Variants in CPED1 observed in about 807,000 individuals in gnomAD.
CPED1 encodes cadherin like and PC-esterase domain containing 1.
CPED1 carries 114 observed loss-of-function variants against 128.2 expected under a neutral mutation model. That is an observed-to-expected ratio of 0.89 (90% CI 0.76 to 1.04). CPED1 has a LOEUF of 1.04. CPED1 is among the 50% of genes least tolerant of loss of function. CPED1 has a pLI of 0.00. For missense variants in CPED1, 1,211 were observed against 1,207.1 expected, an observed-to-expected ratio of 1.00 and a Z score of -0.05; for synonymous variants, 462 against 426.7, an observed-to-expected ratio of 1.08 and a Z score of -1.02.
At chr7:121,148,942 A>C (rs1244777127) in intron 16 of CPED1, among the ~76,000 whole-genome samples, 1 of 152,190 alleles carries the variant, frequency 6.6e-6, no homozygotes. Flanking sequence ...TGCTGTATGC[A>C]CTGTGGCTGC....
Position 120,995,390 on chromosome 7 carries a change from T to C in CPED1, c.249+5520T>C, listed in dbSNP as rs993463789. 5.3e-5 allele frequency among the ~76,000 whole-genome samples: 8 copies of C among 152,218 alleles called. No homozygotes were observed. The East Asian group carries it at 5.8e-4, about 11-fold the overall frequency. ...CAACAAGGTTATTCTGAAAAACTTG[T>C]GGTCTCTTTTCGAGTTCATTTCCTC... On this transcript the variant is annotated intron_variant, in intron 2 of 22. Coordinates refer to ENST00000310396, the MANE Select transcript of CPED1 (RefSeq NM_024913.5).
intron 2 of CPED1, among the ~76,000 whole-genome samples, chr7:121,001,132 A>G (rs911873394): frequency 3.3e-5 from 5 of 152,088 alleles, no homozygotes; most frequent in Non-Finnish European, 7.4e-5. Flanking sequence ...CATTTTGCTC[A>G]GGTAAATGTT....
At chr7:121,224,787 C>CTTTTTTTTTTT (rs143087799) in intron 16 of CPED1, among the ~76,000 whole-genome samples, 54 of 56,250 alleles carry the variant, frequency 9.6e-4, no homozygotes, top group Middle Eastern at 0.019. Flanking sequence ...GCAACCCCTG[C>CTTTTTTTTTTT]TTTTTTTTTT....
chr7:121,262,231 C>T (rs1430006420), intron 18 of CPED1, among the ~76,000 whole-genome samples: 1 of 152,060 alleles, frequency 6.6e-6, no homozygotes, highest in Non-Finnish European at 1.5e-5. Flanking sequence ...CGAGCAGATG[C>T]TGGTGCCATG....
chr7:121,194,034 ATATATATATATATATTTTT>A (rs1258983640), intron 16 of CPED1, among the ~76,000 whole-genome samples: 10 of 102,914 alleles, frequency 9.7e-5, no homozygotes, highest in Non-Finnish European at 1.4e-4. Flanking sequence ...ATATATATAT[ATATATATATATATATTTTT>A]TTTTTTTTTT....
chr7:121,006,108 C>T (rs1353824109), intron 2 of CPED1, among the ~76,000 whole-genome samples: 1 of 152,050 alleles, frequency 6.6e-6, no homozygotes, highest in East Asian at 1.9e-4. Flanking sequence ...TGTAATTGCC[C>T]CAATGCTCTT....
intron 16 of CPED1, among the ~76,000 whole-genome samples, chr7:121,158,937 C>A (rs1035906306): frequency 2.6e-5 from 4 of 152,090 alleles, no homozygotes; most frequent in African/African-American, 9.7e-5. Flanking sequence ...ATGTTATATT[C>A]TTTTTAATGC....
chr7:121,024,686 T>C (rs1792526617), intron 3 of CPED1, among the ~76,000 whole-genome samples: 1 of 152,204 alleles, frequency 6.6e-6, no homozygotes, highest in Admixed American at 6.6e-5. Context: ...TCTTTTTGTA[T>C]GTCTTTAAAA....
chr7:121,122,715 G>A (rs1394896117), intron 7 of CPED1, among the ~76,000 whole-genome samples: 3 of 152,158 alleles, frequency 2.0e-5, no homozygotes, highest in Admixed American at 2.0e-4. Flanking sequence ...AAAGGCTACA[G>A]TTCTCTAAAA....
chr7:121,279,908 A>G (rs1033867979), intron 22 of CPED1, among the ~76,000 whole-genome samples: 5 of 152,184 alleles, frequency 3.3e-5, no homozygotes, highest in Non-Finnish European at 1.5e-5. Flanking sequence ...TTCCACAGTC[A>G]GGCAGAGGGT....
At chr7:121,180,774 A>G (rs954284217) in intron 16 of CPED1, among the ~76,000 whole-genome samples, 4 of 152,070 alleles carry the variant, frequency 2.6e-5, no homozygotes, top group African/African-American at 9.7e-5. Context: ...TAAAATTAAT[A>G]CCTCACCTCC....
At chr7:121,206,529 A>G (rs191552172) in intron 16 of CPED1, among the ~76,000 whole-genome samples, 326 of 152,152 alleles carry the variant, frequency 2.1e-3, no homozygotes, top group Middle Eastern at 0.014. Flanking sequence ...TACAAAATGT[A>G]TGTAATAAAT....
At chr7:121,269,823 A>G (rs149620376) in intron 21 of CPED1, among the ~76,000 whole-genome samples, 3 of 152,128 alleles carry the variant, frequency 2.0e-5, no homozygotes, top group Admixed American at 6.6e-5. Context: ...ATAAAGAAAT[A>G]CCAGAGACTA....
chr7:121,102,070 C>T (rs778520798), intron 7 of CPED1, among the ~76,000 whole-genome samples: 2 of 152,080 alleles, frequency 1.3e-5, no homozygotes, highest in Non-Finnish European at 2.9e-5. Flanking sequence ...GCTCATGCCC[C>T]TTCACTTAAA....
Position 121,257,073 on chromosome 7 carries a change from C to T in CPED1, c.2311-9154C>T, listed in dbSNP as rs148086664. 3.2e-4 allele frequency among the ~76,000 whole-genome samples: 48 copies of T among 151,982 alleles called. 1 individual carries two copies. Among genetic ancestry groups the T allele is most frequent in the Admixed American group, 8.5e-4 (13 of 15,252 alleles). ...AATAGATGCTACAGACTACTGGGGA[C>T]GAAAGGGAGGGGCTATAGGTAGAAA... is the stretch of plus-strand genomic sequence containing the variant. On this transcript the variant is annotated intron_variant, in intron 18 of 22. Coordinates refer to ENST00000310396, the MANE Select transcript of CPED1 (RefSeq NM_024913.5).
chr7:121,270,114 C>A (rs562969507), intron 21 of CPED1, among the ~76,000 whole-genome samples: 1 of 152,040 alleles, frequency 6.6e-6, no homozygotes, highest in Admixed American at 6.6e-5. Flanking sequence ...CCCTATGACC[C>A]AAACACCTCC....
intron 9 of CPED1, 81 bp from the exon 10 acceptor site, chr7:121,127,009 T>C: frequency 2.8e-6 from 3 of 1,078,190 alleles, no homozygotes; most frequent in East Asian, 5.0e-5. Flanking sequence ...CAACAGGAAA[T>C]AAATCATGTC....
At chr7:121,178,352 G>C (rs1205678443) in intron 16 of CPED1, among the ~76,000 whole-genome samples, 1 of 152,046 alleles carries the variant, frequency 6.6e-6, no homozygotes, top group Non-Finnish European at 1.5e-5. Context: ...CACCAAGTTT[G>C]TGGTCTTTGA....
intron 16 of CPED1, among the ~76,000 whole-genome samples, chr7:121,200,722 T>G (rs906537438): frequency 3.3e-5 from 5 of 152,136 alleles, no homozygotes; most frequent in African/African-American, 1.2e-4. Context: ...CAGCAAATAT[T>G]TGTTGAATTG....
Sources: allele counts gnomAD v4.1 joint callset (sites outside exome capture counted in the v4.1 genomes callset), GRCh38; gene constraint gnomAD v4.1.1; transcripts MANE v1.5; gene names NCBI Gene and HGNC (gene_info 2026-07-23, HGNC 2026-07-21).